Variants in CCDC171 observed in about 807,000 individuals in gnomAD.
The protein encoded by CCDC171 is coiled-coil domain containing 171, also known as coiled-coil domain-containing protein 171.
Under a neutral mutation model 168.2 loss-of-function variants are expected in CCDC171, and 177 were observed. That is an observed-to-expected ratio of 1.05 (90% CI 0.93 to 1.19). CCDC171 has a LOEUF of 1.19. Ranked by LOEUF, CCDC171 falls within the 50% of genes most tolerant of loss-of-function variation. CCDC171 has a pLI of 0.00. For synonymous variants in CCDC171, 687 were observed against 540.8 expected, an observed-to-expected ratio of 1.27 and a Z score of -3.75; for missense variants, 1,991 against 1,539.0, an observed-to-expected ratio of 1.29 and a Z score of -4.91.
chr9:15,825,918 A>G lies in CCDC171; in HGVS notation c.3268-20784A>G, dbSNP rs1010515081. 2.0e-5 allele frequency among the ~76,000 whole-genome samples: 3 copies of G among 152,248 alleles called. No individual in the cohort carries two copies. The East Asian group carries it at 5.8e-4, about 29-fold the overall frequency. ...ATTAACATTTTCACTTTGTGAAATA[A>G]TACTCCATAGACTCTTCAAAATTAA... On this transcript the variant is annotated intron_variant, in intron 21 of 25. Coordinates refer to ENST00000380701, the MANE Select transcript of CCDC171 (RefSeq NM_173550.4).
chr9:15,783,052 C>G (rs2057746385), intron 20 of CCDC171, among the ~76,000 whole-genome samples: 1 of 152,054 alleles, frequency 6.6e-6, no homozygotes. Context: ...GAAATGCACT[C>G]TTAAATTTTT....
intron 24 of CCDC171, among the ~76,000 whole-genome samples, chr9:15,918,826 C>G (rs1824917355): frequency 6.6e-6 from 1 of 151,480 alleles, no homozygotes; most frequent in Non-Finnish European, 1.5e-5. Context: ...TATACTTTCC[C>G]AAACATCATC....
chr9:16,057,385 A>G (rs1489098336), intron 1 of CCDC171, among the ~76,000 whole-genome samples: 1 of 152,212 alleles, frequency 6.6e-6, no homozygotes, highest in Non-Finnish European at 1.5e-5. Context: ...TCCCCCAGGA[A>G]CTGGAAAGAT....
chr9:15,709,399 C>A (rs1378379466), intron 11 of CCDC171, among the ~76,000 whole-genome samples: 1 of 151,754 alleles, frequency 6.6e-6, no homozygotes, highest in Non-Finnish European at 1.5e-5. Context: ...AAAAAGAACA[C>A]AGATAAAATG....
At chr9:15,639,341 G>A (rs76984780) in intron 7 of CCDC171, among the ~76,000 whole-genome samples, 932 of 151,988 alleles carry the variant, frequency 6.1e-3, no homozygotes, top group Non-Finnish European at 0.01. Context: ...TTTAAGATTG[G>A]AACTTCAGTT....
intron 25 of CCDC171, among the ~76,000 whole-genome samples, chr9:15,958,114 CCATT>C (rs34099313): frequency 0.04 from 6,042 of 150,740 alleles, 334 homozygotes; most frequent in African/African-American, 0.13. Context: ...ACTCACTCAT[CCATT>C]CATTCATTCA....
At chr9:15,750,880 G>A (rs940270602) in intron 18 of CCDC171, among the ~76,000 whole-genome samples, 1 of 152,170 alleles carries the variant, frequency 6.6e-6, no homozygotes, top group Admixed American at 6.5e-5. Flanking sequence ...AGACAAGGAT[G>A]CTCTCTCTCA....
intron 23 of CCDC171, among the ~76,000 whole-genome samples, chr9:15,860,211 A>G (rs757346036): frequency 6.6e-6 from 1 of 151,568 alleles, no homozygotes; most frequent in Admixed American, 6.6e-5. Flanking sequence ...TTTTCAAAAT[A>G]TAAACTCTTA....
At chr9:16,034,985 T>G (rs1298705692) in intron 6 of CCDC171, among the ~76,000 whole-genome samples, 1 of 152,134 alleles carries the variant, frequency 6.6e-6, no homozygotes, top group East Asian at 1.9e-4. Context: ...CCAAATTGAG[T>G]CTGCCAGCCC....
chr9:15,608,102 T>G (rs529724819), intron 6 of CCDC171, among the ~76,000 whole-genome samples: 1 of 152,180 alleles, frequency 6.6e-6, no homozygotes, highest in East Asian at 1.9e-4. Context: ...TTTCTCTTCT[T>G]GTAAAGCCAC....
At chr9:15,775,644 A>G (rs960049647) in intron 18 of CCDC171, among the ~76,000 whole-genome samples, 1 of 152,188 alleles carries the variant, frequency 6.6e-6, no homozygotes, top group African/African-American at 2.4e-5. Context: ...ATTACAATTA[A>G]TTTGTGCTTT....
intron 25 of CCDC171, among the ~76,000 whole-genome samples, chr9:15,970,715 A>G (rs573556876): frequency 6.6e-6 from 1 of 152,304 alleles, no homozygotes; most frequent in South Asian, 2.1e-4. Flanking sequence ...TCTGGATACC[A>G]TCAGTGTTCT....
At chr9:15,598,898 A>G (rs2042601254) in intron 6 of CCDC171, among the ~76,000 whole-genome samples, 1 of 152,064 alleles carries the variant, frequency 6.6e-6, no homozygotes, top group Non-Finnish European at 1.5e-5. Context: ...CTTTACCATT[A>G]TGTAATGGCC....
At chr9:15,927,415 A>C (rs1161151476) in intron 25 of CCDC171, among the ~76,000 whole-genome samples, 1 of 151,696 alleles carries the variant, frequency 6.6e-6, no homozygotes, top group Non-Finnish European at 1.5e-5. Flanking sequence ...ACAGCTATGG[A>C]GAAACATGAT....
chr9:15,664,583 C>CACACACACACAG (rs1377463380), intron 8 of CCDC171, among the ~76,000 whole-genome samples: 2 of 151,870 alleles, frequency 1.3e-5, no homozygotes, highest in African/African-American at 4.8e-5. Flanking sequence ...CACACACACA[C>CACACACACACAG]ACACACTCAC....
intron 24 of CCDC171, 21 bp from the exon 25 acceptor site, chr9:15,920,249 A>G (rs1216228281): frequency 1.3e-5 from 19 of 1,505,870 alleles, no homozygotes; most frequent in Non-Finnish European, 1.7e-5. Context: ...ATTATATGTG[A>G]CATTATTTTT....
chr9:16,067,456 C>G, the CCDC171 span, among the ~76,000 whole-genome samples: 1 of 152,202 alleles, frequency 6.6e-6, no homozygotes, highest in East Asian at 1.9e-4. Flanking sequence ...TGCAGAAGCT[C>G]TTTAGTTTAA....
At chr9:15,595,017 T>C (rs148934806) in intron 6 of CCDC171, among the ~76,000 whole-genome samples, 2,039 of 152,296 alleles carry the variant, frequency 0.013, 15 homozygotes, top group Middle Eastern at 0.058. Context: ...TTTCTATAGA[T>C]GTCAAAGATA....
At chr9:16,091,505 G>A in the CCDC171 span, among the ~76,000 whole-genome samples, 1 of 152,160 alleles carries the variant, frequency 6.6e-6, no homozygotes, top group Non-Finnish European at 1.5e-5. Context: ...AGCACCAAAT[G>A]CTCTGGGACA....
Sources: allele counts gnomAD v4.1 joint callset (sites outside exome capture counted in the v4.1 genomes callset), GRCh38; gene constraint gnomAD v4.1.1; transcripts MANE v1.5; gene names NCBI Gene and HGNC (gene_info 2026-07-23, HGNC 2026-07-21).